Variants in GLIS3 observed in about 807,000 individuals in gnomAD.
The protein encoded by GLIS3 is GLIS family zinc finger 3.
A neutral mutation model predicts 78.6 loss-of-function variants in GLIS3; 53 were observed. The ratio of observed to expected loss-of-function variants is 0.67; its 90% CI spans 0.54 to 0.85. The LOEUF (loss-of-function observed/expected upper bound fraction) is 0.85. Ranked by LOEUF, GLIS3 falls within the 40% of genes least tolerant of loss-of-function variation. The pLI is 0.00. For synonymous variants in GLIS3, 684 were observed against 509.9 expected (o/e 1.34, Z -4.60); for missense variants, 1,703 against 1,231.1 (o/e 1.38, Z -5.74).
intron 2 of GLIS3, among the ~76,000 whole-genome samples, chr9:4,157,139 G>A (rs149675118): frequency 8.5e-4 from 129 of 152,276 alleles, no homozygotes; most frequent in Non-Finnish European, 1.3e-3. Context: ...AGGTGCGTGC[G>A]GTAATTATAA....
At chr9:4,425,889 A>C in the GLIS3 span, among the ~76,000 whole-genome samples, 1 of 152,192 alleles carries the variant, frequency 6.6e-6, no homozygotes, top group Non-Finnish European at 1.5e-5. Flanking sequence ...CTTTTGCACA[A>C]CATTGGTTCC....
At chr9:4,295,261 C>T (rs764255623) in intron 1 of GLIS3, among the ~76,000 whole-genome samples, 1 of 152,042 alleles carries the variant, frequency 6.6e-6, no homozygotes, top group Non-Finnish European at 1.5e-5. Context: ...GTGGAAGGAA[C>T]GCCTCTGAAT....
the GLIS3 span, among the ~76,000 whole-genome samples, chr9:4,446,759 C>T: frequency 6.6e-6 from 1 of 151,834 alleles, no homozygotes; most frequent in South Asian, 2.1e-4. Context: ...GGGTGACCTG[C>T]CTCGGCCTCC....
intron 2 of GLIS3, among the ~76,000 whole-genome samples, chr9:4,223,610 CA>C (rs1821517217): frequency 6.6e-6 from 1 of 152,142 alleles, no homozygotes; most frequent in Non-Finnish European, 1.5e-5. Flanking sequence ...ACCACGTGAA[CA>C]ACCACTACTC....
At chr9:3,919,708 A>AC (rs993326053) in intron 6 of GLIS3, among the ~76,000 whole-genome samples, 3 of 151,666 alleles carry the variant, frequency 2.0e-5, no homozygotes, top group African/African-American at 7.3e-5. Context: ...GGATCAGGAT[A>AC]CCCCAACTGG....
rs116069306 is a variant in GLIS3 at position 4,332,595 on chromosome 9, C to T, written n.264+14486G>A. ...GAAGACAGCAGAGCAGACCAGCCCA[C>T]CTGGGGCTCTGGATGCCTTCTTAGG... On this transcript the variant is annotated intron_variant and non_coding_transcript_variant, in intron 2 of 4. Transcript: ENST00000471664. Among the ~76,000 whole-genome samples the T allele has an allele frequency of 8.4e-3, 1,279 of 152,342 alleles. 21 individuals are homozygous for T. Among genetic ancestry groups the T allele is most frequent in the African/African-American group, 0.027 (1,123 of 41,578 alleles).
rs146995273 is a variant in GLIS3, at chr9:4,117,523, A to G, written c.1710+245T>C. On this transcript the variant is annotated intron_variant, in intron 4 of 10. Transcript: ENST00000381971. ...TGGCATCTCCTTTCCAAGATTTTAC[A>G]GAGTGTGGCAGACTGATCACCTGCT... is the stretch of plus-strand genomic sequence containing the variant. 3.9e-5 allele frequency among the ~76,000 whole-genome samples: 6 copies of G among 152,298 alleles called. No homozygotes were observed. The East Asian group carries it at 1.2e-3, about 29-fold the overall frequency.
At chr9:4,332,878 C>A (rs905679261) in intron 2 of GLIS3, among the ~76,000 whole-genome samples, 2 of 152,108 alleles carry the variant, frequency 1.3e-5, no homozygotes, top group Non-Finnish European at 2.9e-5. Flanking sequence ...ATCAATATTT[C>A]TGGGATGGGT....
At chr9:4,236,380 C>G (rs1822755027) in intron 2 of GLIS3, among the ~76,000 whole-genome samples, 2 of 152,124 alleles carry the variant, frequency 1.3e-5, no homozygotes, top group Admixed American at 6.5e-5. Flanking sequence ...CTGCTCCAAA[C>G]AAACAGATTG....
chr9:4,330,609 G>T (rs551382103), intron 2 of GLIS3, among the ~76,000 whole-genome samples: 145 of 151,906 alleles, frequency 9.5e-4, no homozygotes, highest in Non-Finnish European at 1.4e-3. Flanking sequence ...GATGAGGAGA[G>T]GTGGAGGTGA....
chr9:3,951,459 C>T lies in GLIS3; in HGVS notation c.1711-14270G>A, dbSNP rs529964808. ...AAGAACAAAATGAAAGCAGGGAGTG[C>T]TCCTTTTGATCTTTCAAGAGTAGTA... On this transcript the variant is annotated intron_variant, in intron 4 of 10. Coordinates refer to ENST00000381971, the MANE Select transcript of GLIS3 (RefSeq NM_001042413.2). Among the ~76,000 whole-genome samples, 275 of 151,024 alleles carry T rather than the reference C, an allele frequency of 1.8e-3. 1 individual carries two copies. Among genetic ancestry groups the T allele is most frequent in the African/African-American group, 6.5e-3 (269 of 41,206 alleles).
chr9:4,340,620 C>T (rs533094438), intron 2 of GLIS3, among the ~76,000 whole-genome samples: 3 of 152,264 alleles, frequency 2.0e-5, no homozygotes, highest in South Asian at 4.1e-4. Context: ...TCCACATCCA[C>T]GCTATTAACC....
chr9:4,135,973 G>A (rs897034491), intron 2 of GLIS3, among the ~76,000 whole-genome samples: 4 of 152,166 alleles, frequency 2.6e-5, no homozygotes, highest in Non-Finnish European at 5.9e-5. Context: ...ATGAACATAT[G>A]TGACTGTATG....
chr9:4,188,059 A>C (rs1371722366), intron 2 of GLIS3, among the ~76,000 whole-genome samples: 1 of 152,038 alleles, frequency 6.6e-6, no homozygotes, highest in Non-Finnish European at 1.5e-5. Flanking sequence ...GAGAGAGGGC[A>C]TCCCTGTCTT....
the GLIS3 span, among the ~76,000 whole-genome samples, chr9:4,417,761 C>G: frequency 6.6e-6 from 1 of 152,200 alleles, no homozygotes; most frequent in Admixed American, 6.5e-5. Flanking sequence ...GTTTCACCAA[C>G]CAGGTATCAT....
chr9:4,464,215 G>C, the GLIS3 span, among the ~76,000 whole-genome samples: 1 of 151,998 alleles, frequency 6.6e-6, no homozygotes, highest in East Asian at 1.9e-4. Context: ...TTAATAAAGA[G>C]AGCAGGCCTG....
chr9:4,270,250 C>G (rs185651517), intron 2 of GLIS3, among the ~76,000 whole-genome samples: 1 of 152,210 alleles, frequency 6.6e-6, no homozygotes, highest in Non-Finnish European at 1.5e-5. Flanking sequence ...CCTTCCTGCT[C>G]CTATATTTTG....
At chr9:4,184,047 T>C (rs1399246640) in intron 2 of GLIS3, among the ~76,000 whole-genome samples, 1 of 152,202 alleles carries the variant, frequency 6.6e-6, no homozygotes, top group Non-Finnish European at 1.5e-5. Flanking sequence ...AATGATCTTA[T>C]GGTTATAAAA....
At chr9:4,486,640 G>A in the GLIS3 span, among the ~76,000 whole-genome samples, 3 of 152,134 alleles carry the variant, frequency 2.0e-5, no homozygotes, top group Non-Finnish European at 2.9e-5. Flanking sequence ...AAATCTGCCT[G>A]TCAGTGATTT....
Sources: allele counts gnomAD v4.1 joint callset (sites outside exome capture counted in the v4.1 genomes callset), GRCh38; gene constraint gnomAD v4.1.1; transcripts MANE v1.5; gene names NCBI Gene and HGNC (gene_info 2026-07-23, HGNC 2026-07-21).